PLCH1: variants seen among roughly 807,000 people sequenced by gnomAD.
PLCH1 encodes the protein phospholipase C eta 1.
In PLCH1, 60 loss-of-function variants were observed where a neutral mutation model predicts 126.7. The observed-to-expected ratio is 0.47, with a 90% confidence interval of 0.38 to 0.59. PLCH1 has a LOEUF of 0.59. PLCH1 is among the 20% of genes least tolerant of loss of function. The pLI is 0.00. For synonymous variants in PLCH1, 719 were observed against 734.9 expected (o/e 0.98, Z 0.35); for missense variants, 1,723 against 2,040.0 (o/e 0.84, Z 2.99).
chr3:155,642,216 G>A (rs1358295097), intron 2 of PLCH1, among the ~76,000 whole-genome samples: 1 of 152,140 alleles, frequency 6.6e-6, no homozygotes, highest in Non-Finnish European at 1.5e-5. Flanking sequence ...CACACAGCCT[G>A]TAAGTGGTGG....
chr3:155,590,931 A>G (rs1732081728), intron 4 of PLCH1, among the ~76,000 whole-genome samples: 1 of 152,126 alleles, frequency 6.6e-6, no homozygotes, highest in African/African-American at 2.4e-5. Context: ...AACTGCTTCT[A>G]TATTTCTTAT....
chr3:155,602,434 GGAAGGGGAACAAA>G (rs2108683148), intron 2 of PLCH1, among the ~76,000 whole-genome samples: 1 of 152,238 alleles, frequency 6.6e-6, no homozygotes, highest in Non-Finnish European at 1.5e-5. Flanking sequence ...AGTAAGAGTA[GGAAGGGGAACAAA>G]ACAGAAAGTA....
chr3:155,679,842 A>G (rs569003463), intron 2 of PLCH1, among the ~76,000 whole-genome samples: 3 of 152,314 alleles, frequency 2.0e-5, no homozygotes, highest in African/African-American at 7.2e-5. Flanking sequence ...ACTGAGATTC[A>G]AGTCTGAGAA....
At position 155,640,361 on chromosome 3, in the gene PLCH1, G is replaced by A. The variant is rs189767315; in HGVS notation, c.80-43983C>T. 3.3e-5 allele frequency among the ~76,000 whole-genome samples: 5 copies of A among 152,332 alleles called. No homozygotes were observed. In the East Asian group the frequency reaches 9.6e-4, roughly 29 times the overall value. ...GATGTCTGGGTGATAAAATGGCAGG[G>A]TGGAAGAAAAACTAAAATGAGAGTG... On this transcript the variant is annotated intron_variant, in intron 2 of 22. Coordinates refer to ENST00000460012, the MANE Select transcript of PLCH1 (RefSeq NM_014996.4).
intron 1 of PLCH1, among the ~76,000 whole-genome samples, chr3:155,715,779 AT>A (rs1747460144): frequency 6.6e-6 from 1 of 151,624 alleles, no homozygotes; most frequent in Admixed American, 6.6e-5. Flanking sequence ...TGCCCAGCTA[AT>A]TTTTTGTGGA....
rs1202245572 is a variant in PLCH1, at chr3:155,622,559, T to C, written c.80-26181A>G. On this transcript the variant is annotated intron_variant, in intron 2 of 22. Transcript: ENST00000460012. ...CACACATAGGCTCAAAATAAAGAAA[T>C]GGAGGAATATTTTCCAAGCAAATGG... Among the ~76,000 whole-genome samples, 11 of 146,328 alleles carry C rather than the reference T, an allele frequency of 7.5e-5. No individual in the cohort carries two copies. The East Asian group carries it at 2.2e-3, about 30-fold the overall frequency.
intron 21 of PLCH1, among the ~76,000 whole-genome samples, chr3:155,473,161 A>G (rs1250354188): frequency 6.7e-6 from 1 of 150,334 alleles, no homozygotes; most frequent in Non-Finnish European, 1.5e-5. Flanking sequence ...AGATGACATG[A>G]TTGTATATCT....
At chr3:155,516,739 C>T (rs914482174) in intron 11 of PLCH1, among the ~76,000 whole-genome samples, 2 of 151,632 alleles carry the variant, frequency 1.3e-5, no homozygotes, top group Non-Finnish European at 2.9e-5. Flanking sequence ...AGTTTGGGAA[C>T]AAAACTCATT....
intron 10 of PLCH1, 32 bp downstream of exon 10, chr3:155,549,755 A>G: frequency 6.6e-7 from 1 of 1,510,776 alleles, no homozygotes. Flanking sequence ...CTGATAATGA[A>G]TGTCTTTTAT....
At chr3:155,629,489 C>A (rs191806301) in intron 2 of PLCH1, among the ~76,000 whole-genome samples, 1 of 152,284 alleles carries the variant, frequency 6.6e-6, no homozygotes, top group Admixed American at 6.5e-5. Flanking sequence ...CTTAAACCTG[C>A]TTTTCTTCAG....
intron 2 of PLCH1, among the ~76,000 whole-genome samples, chr3:155,628,182 G>T (rs549011859): frequency 7.2e-5 from 11 of 151,782 alleles, no homozygotes; most frequent in African/African-American, 2.7e-4. Context: ...GGGGTTCAGG[G>T]ATACACCACC....
At chr3:155,603,009 G>A (rs923245542) in intron 2 of PLCH1, among the ~76,000 whole-genome samples, 2 of 152,112 alleles carry the variant, frequency 1.3e-5, no homozygotes, top group African/African-American at 4.8e-5. Context: ...AGAACCTTGA[G>A]ACAGATTTTC....
At chr3:155,514,575 C>G (rs1720049164) in intron 12 of PLCH1, 148 bp downstream of exon 12, 2 of 507,308 alleles carry the variant, frequency 3.9e-6, no homozygotes, top group East Asian at 6.5e-5. Flanking sequence ...TTTCTCATAT[C>G]ATTTTGCAAT....
chr3:155,454,087 G>A (rs1712379393), intron 21 of PLCH1, among the ~76,000 whole-genome samples: 1 of 152,134 alleles, frequency 6.6e-6, no homozygotes, highest in Non-Finnish European at 1.5e-5. Context: ...AAAAATTTGA[G>A]CATTTACTAT....
intron 12 of PLCH1, among the ~76,000 whole-genome samples, chr3:155,514,466 A>G (rs1263190736): frequency 6.6e-6 from 1 of 152,200 alleles, no homozygotes; most frequent in Non-Finnish European, 1.5e-5. Context: ...CTGAGCATGC[A>G]TTAGGAAGAT....
At chr3:155,668,643 A>G (rs1743058885) in intron 2 of PLCH1, among the ~76,000 whole-genome samples, 1 of 152,226 alleles carries the variant, frequency 6.6e-6, no homozygotes, top group African/African-American at 2.4e-5. Context: ...CTGTAATCCC[A>G]GCACTTTGGG....
At chr3:155,731,209 A>G (rs1577380586) in intron 1 of PLCH1, among the ~76,000 whole-genome samples, 1 of 152,216 alleles carries the variant, frequency 6.6e-6, no homozygotes, top group East Asian at 1.9e-4. Context: ...GCCAGCCCCC[A>G]TGGACTTAGG....
At chr3:155,640,227 G>A (rs1009982087) in intron 2 of PLCH1, among the ~76,000 whole-genome samples, 16 of 152,366 alleles carry the variant, frequency 1.1e-4, no homozygotes, top group Middle Eastern at 3.4e-3. Context: ...GCAGATGGCA[G>A]GGAGAGCCAC....
intron 5 of PLCH1, among the ~76,000 whole-genome samples, 187 bp downstream of exon 5, chr3:155,585,878 T>G (rs973697624): frequency 2.0e-5 from 3 of 152,234 alleles, no homozygotes; most frequent in Non-Finnish European, 2.9e-5. Context: ...AGTGAAATTT[T>G]GGACGAATGT....
Sources: gnomAD v4.1 joint callset for allele counts (sites outside exome capture counted in the v4.1 genomes callset) on GRCh38, gnomAD v4.1.1 for gene constraint, MANE v1.5 for transcripts, NCBI Gene and HGNC (gene_info 2026-07-23, HGNC 2026-07-21) for gene names.